Variants in LDB2 observed in about 807,000 individuals in gnomAD.
LDB2 encodes LIM domain-binding protein 2.
LDB2 carries 12 observed loss-of-function variants against 44.3 expected under a neutral mutation model. The observed-to-expected ratio is 0.27, with a 90% CI of 0.17 to 0.44. The LOEUF (loss-of-function observed/expected upper bound fraction) is 0.44. Among genes scored for constraint, LDB2 ranks in the 20% least tolerant of loss-of-function variants. The pLI, the probability that LDB2 is intolerant of heterozygous loss-of-function variation, is 1.00. For synonymous variants in LDB2, 164 were observed against 174.8 expected (o/e 0.94, Z 0.49); for missense variants, 344 against 473.5 (o/e 0.73, Z 2.54).
chr4:16,610,981 T>C (rs1030447295), intron 2 of LDB2, among the ~76,000 whole-genome samples: 1 of 152,102 alleles, frequency 6.6e-6, no homozygotes, highest in Admixed American at 6.5e-5. Context: ...CCAGGTCACC[T>C]ACAAAGGGAA....
chr4:16,782,499 T>C lies in LDB2; in HGVS notation c.133-23239A>G, dbSNP rs188175479. ...CCAGGTAGCTGGTATTACAGGTGTG[T>C]GCCACCACACCCAGCTAAGTTTTTG... On this transcript the variant is annotated intron_variant, in intron 1 of 7. Transcript: ENST00000304523. Among the ~76,000 whole-genome samples the C allele has an allele frequency of 4.0e-3, 608 of 152,168 alleles. 2 individuals carry two copies. The highest frequency in any genetic ancestry group is 0.02 in the Middle Eastern group (6 of 294).
At chr4:16,725,271 C>A (rs1026809402) in intron 2 of LDB2, among the ~76,000 whole-genome samples, 1 of 151,990 alleles carries the variant, frequency 6.6e-6, no homozygotes, top group Non-Finnish European at 1.5e-5. Context: ...CGCACACACA[C>A]GCACATATAT....
At chr4:16,508,720 T>C in intron 6 of LDB2, 34 bp from the exon 7 acceptor site, 1 of 1,599,488 alleles carries the variant, frequency 6.3e-7, no homozygotes, top group East Asian at 2.2e-5. Context: ...GGATCAGTTC[T>C]AGGGCAAAAG....
At chr4:16,559,433 A>T (rs981225986) in intron 5 of LDB2, among the ~76,000 whole-genome samples, 14 of 152,320 alleles carry the variant, frequency 9.2e-5, no homozygotes, top group African/African-American at 3.1e-4. Flanking sequence ...CTGACAAAAC[A>T]GACTTTAAAC....
chr4:16,745,370 A>T (rs1298806413), intron 2 of LDB2, among the ~76,000 whole-genome samples: 1 of 152,252 alleles, frequency 6.6e-6, no homozygotes, highest in Non-Finnish European at 1.5e-5. Flanking sequence ...TACTTAGAAC[A>T]GTGAAAAGGA....
At position 16,558,616 on chromosome 4, in the gene LDB2, A is replaced by C. The variant is rs1002358017; in HGVS notation, c.615+27306T>G. Among the ~76,000 whole-genome samples the C allele has an allele frequency of 2.6e-5, 4 of 152,374 alleles. No homozygotes were observed. In the South Asian group the frequency reaches 6.2e-4, roughly 24 times the overall value. ...ACCTGAAAGTGACGGGGAGAATGGA[A>C]CCAAGTTGGAAAACACTGTGCAGGA... On this transcript the variant is annotated intron_variant, in intron 5 of 7. Coordinates refer to ENST00000304523, the MANE Select transcript of LDB2 (RefSeq NM_001290.5).
intron 2 of LDB2, among the ~76,000 whole-genome samples, chr4:16,719,872 A>AT (rs1409473410): frequency 6.6e-6 from 1 of 152,160 alleles, no homozygotes; most frequent in African/African-American, 2.4e-5. Flanking sequence ...GCTAGATATT[A>AT]TTATTCTGCT....
intron 2 of LDB2, among the ~76,000 whole-genome samples, chr4:16,674,754 A>T (rs1346979437): frequency 6.6e-6 from 1 of 151,842 alleles, no homozygotes; most frequent in Non-Finnish European, 1.5e-5. Context: ...TCATTTTTAG[A>T]GAAAAAATTA....
intron 3 of LDB2, among the ~76,000 whole-genome samples, chr4:16,593,140 C>T (rs993921634): frequency 8.5e-5 from 13 of 152,118 alleles, no homozygotes; most frequent in Admixed American, 2.0e-4. Flanking sequence ...TTTTGATTCA[C>T]CAGTTGACCA....
intron 2 of LDB2, 91 bp from the exon 3 acceptor site, chr4:16,595,966 G>A: frequency 7.9e-7 from 1 of 1,271,620 alleles, no homozygotes; most frequent in Non-Finnish European, 1.1e-6. Flanking sequence ...CCTAAAACCG[G>A]ATACTGATCA....
At chr4:16,687,807 T>C (rs150242249) in intron 2 of LDB2, among the ~76,000 whole-genome samples, 1 of 152,288 alleles carries the variant, frequency 6.6e-6, no homozygotes, top group Non-Finnish European at 1.5e-5. Flanking sequence ...CTAGGAACTG[T>C]CTTGTAAATT....
chr4:16,577,948 G>A (rs1712445785), intron 5 of LDB2, among the ~76,000 whole-genome samples: 1 of 151,996 alleles, frequency 6.6e-6, no homozygotes, highest in Non-Finnish European at 1.5e-5. Context: ...AAAGTTCCAA[G>A]AACATACATT....
At chr4:16,739,589 A>AAATATATATATAT (rs1553994410) in intron 2 of LDB2, among the ~76,000 whole-genome samples, 3 of 64,332 alleles carry the variant, frequency 4.7e-5, no homozygotes, top group African/African-American at 2.0e-4. Context: ...AAAAAAAAAA[A>AAATATATATATAT]ATATATATAT....
chr4:16,707,332 GT>G (rs1754826180), intron 2 of LDB2, among the ~76,000 whole-genome samples: 1 of 152,008 alleles, frequency 6.6e-6, no homozygotes, highest in South Asian at 2.1e-4. Context: ...TTCTAATACT[GT>G]GCTCTAACCT....
At chr4:16,647,326 G>C (rs1038583641) in intron 2 of LDB2, among the ~76,000 whole-genome samples, 1 of 152,176 alleles carries the variant, frequency 6.6e-6, no homozygotes, top group African/African-American at 2.4e-5. Context: ...TTCTTAGAGT[G>C]ATGAAAATGT....
In LDB2 at chr4:16,812,582, T is replaced by TTATA. The variant is rs6148319; in HGVS notation, c.133-53326_133-53323dup. Among the ~76,000 whole-genome samples, 383 of 115,528 alleles carry TTATA rather than the reference T, an allele frequency of 3.3e-3. 2 individuals carry two copies. The highest frequency in any genetic ancestry group is 0.013 in the African/African-American group (330 of 25,804). 75.8% of individuals were successfully genotyped at this position (115,528 alleles called of 152,430 possible). On this transcript the variant is annotated intron_variant, in intron 1 of 7. Coordinates refer to ENST00000304523, the MANE Select transcript of LDB2 (RefSeq NM_001290.5). ...ATACTTGAGGCTGGAATCAATGAAA[T>TTATA]TATATATATATATATATATATATAT...
At chr4:16,805,055 A>G (rs1056208992) in intron 1 of LDB2, among the ~76,000 whole-genome samples, 11 of 151,556 alleles carry the variant, frequency 7.3e-5, no homozygotes, top group Admixed American at 5.9e-4. Flanking sequence ...AGAGAGGGGA[A>G]AAGAGAGAGA....
chr4:16,652,304 C>G (rs541148819), intron 2 of LDB2, among the ~76,000 whole-genome samples: 1 of 152,072 alleles, frequency 6.6e-6, no homozygotes, highest in Non-Finnish European at 1.5e-5. Flanking sequence ...AGGATACATA[C>G]GCAAAGCACA....
chr4:16,599,737 C>G (rs528786986), intron 2 of LDB2, among the ~76,000 whole-genome samples: 4 of 152,184 alleles, frequency 2.6e-5, no homozygotes, highest in Non-Finnish European at 4.4e-5. Flanking sequence ...ATCCCATGTG[C>G]CTGAAGAAAT....
Sources: allele counts gnomAD v4.1 joint callset (sites outside exome capture counted in the v4.1 genomes callset), GRCh38; gene constraint gnomAD v4.1.1; transcripts MANE v1.5; gene names NCBI Gene and HGNC (gene_info 2026-07-23, HGNC 2026-07-21).